KNDC1: variants seen among roughly 807,000 people sequenced by gnomAD.
The protein encoded by KNDC1 is kinase non-catalytic C-lobe domain containing 1.
A neutral mutation model predicts 172.8 loss-of-function variants in KNDC1; 106 were observed. The observed-to-expected ratio is 0.61, with a 90% CI of 0.52 to 0.72. The LOEUF (loss-of-function observed/expected upper bound fraction) is 0.72. KNDC1 is among the 30% of genes least tolerant of loss of function. The probability of loss-of-function intolerance (pLI) is 0.00; values close to 1 mark genes in which losing one functional copy is unlikely to be tolerated. For synonymous variants in KNDC1, 1,083 were observed against 1,062.2 expected, an observed-to-expected ratio of 1.02 and a Z score of -0.38; for missense variants, 2,325 against 2,394.5, an observed-to-expected ratio of 0.97 and a Z score of 0.61.
At chr10:133,177,635 CAT>C (rs1310843047) in intron 3 of KNDC1, among the ~76,000 whole-genome samples, 1 of 151,722 alleles carries the variant, frequency 6.6e-6, no homozygotes, top group East Asian at 1.9e-4. Context: ...GTGTTGTGAG[CAT>C]GTGTGTTGCA....
At chr10:133,207,049 T>C in intron 19 of KNDC1, 88 bp from the exon 20 acceptor site, 6 of 1,530,690 alleles carry the variant, frequency 3.9e-6, no homozygotes, top group Non-Finnish European at 5.4e-6. Flanking sequence ...TGTGAAGTTA[T>C]AAAAGGGGCC....
chr10:133,165,902 A>C (rs1052998519), intron 1 of KNDC1, among the ~76,000 whole-genome samples: 1 of 152,174 alleles, frequency 6.6e-6, no homozygotes, highest in Admixed American at 6.5e-5. Context: ...AAGAGCTGGA[A>C]GGGCCTGGGA....
chr10:133,199,361 C>G (rs946508167), intron 14 of KNDC1, 95 bp downstream of exon 14: 10 of 1,565,024 alleles, frequency 6.4e-6, no homozygotes, highest in Non-Finnish European at 8.7e-6. Flanking sequence ...CCCAGCCCCC[C>G]AGCCGAGATC....
chr10:133,182,960 GT>G, intron 3 of KNDC1, among the ~76,000 whole-genome samples: 1 of 145,520 alleles, frequency 6.9e-6, no homozygotes, highest in South Asian at 2.1e-4. Context: ...CACAGGCGGT[GT>G]GGGCACAGGC....
intron 7 of KNDC1, 26 bp downstream of exon 7, chr10:133,188,679 C>T (rs777154705): frequency 1.0e-5 from 14 of 1,337,032 alleles, no homozygotes; most frequent in Non-Finnish European, 1.3e-5. Context: ...TCCCATCCCC[C>T]CCGCCGTCCC....
intron 3 of KNDC1, among the ~76,000 whole-genome samples, chr10:133,180,425 G>T (rs1244216641): frequency 6.6e-6 from 1 of 152,268 alleles, no homozygotes; most frequent in Non-Finnish European, 1.5e-5. Flanking sequence ...CAAGGATAGC[G>T]TCTCAGGGGC....
chr10:133,160,378 G>C lies in KNDC1; in HGVS notation c.-90G>C. ...GGCGGGCGGGGGCGGGCGAGGGCCG[G>C]GCGCGTCTCCATGGAGCCAGGGCGC... On this transcript the variant is annotated 5_prime_UTR_variant, in exon 1 of 30. Transcript: ENST00000304613. 1 of 595,292 alleles carries C rather than the reference G, an allele frequency of 1.7e-6. No homozygotes were observed. The highest frequency in any genetic ancestry group is 2.3e-6 in the Non-Finnish European group (1 of 427,410). 36.9% of individuals were successfully genotyped at this position (595,292 alleles called of 1,614,324 possible).
At position 133,198,876 on chromosome 10, in the gene KNDC1, T is replaced by C. The variant is rs774829767; in HGVS notation, c.2368T>C (p.Ser790Pro). 1 of 1,597,338 alleles carries C rather than the reference T, an allele frequency of 6.3e-7. No homozygotes were observed. Among genetic ancestry groups the C allele is most frequent in the Non-Finnish European group, 8.5e-7 (1 of 1,175,930 alleles). The stretch of plus-strand genomic sequence containing the variant: ...AGTCCCCGCCCCGCCCACGAAGGCA[T>C]CTGCGCTGCCCGTAGAGCAAGGGCC... ...SPVPAPPTKA[S>P]ALPVEQGPAE... The change falls in exon 14 of 30, where the codon TCT becomes CCT. Residue 790 changes from serine (S) to proline (P), a missense_variant. Coordinates refer to ENST00000304613, the MANE Select transcript of KNDC1 (RefSeq NM_152643.8).
rs1261725303 is a variant in KNDC1, at chr10:133,163,495, G to A, written c.102+2926G>A. Among the ~76,000 whole-genome samples the A allele has an allele frequency of 7.9e-5, 12 of 152,158 alleles. No homozygotes were observed. Among genetic ancestry groups the A allele is most frequent in the Admixed American group, 7.9e-4 (12 of 15,280 alleles). On this transcript the variant is annotated intron_variant, in intron 1 of 29. Coordinates refer to ENST00000304613, the MANE Select transcript of KNDC1 (RefSeq NM_152643.8). The surrounding 1 kb of genome is among the most constrained non-coding windows in gnomAD (Gnocchi z 4.4). ...GAGCAGAAGGCACCTCGGGAGCAGA[G>A]GTGGTTTTGTGGTGGGGGCCTGGCA...
rs1853799702 is a variant in KNDC1, at chr10:133,183,910, ATCC to A, written c.551_553del (p.Ser184del). The A allele has an allele frequency of 1.9e-6, 3 of 1,602,540 alleles. No individual in the cohort carries two copies. In the East Asian group the frequency reaches 6.7e-5, roughly 36 times the overall value. On this transcript the variant is annotated inframe_deletion, in exon 5 of 30. Transcript: ENST00000304613. ...TGTGTGAAGAGAAGCTGCAGCTCAC[ATCC>A]TCCTGTCGCGTGTGCCGGAGCCTCT...
intron 9 of KNDC1, among the ~76,000 whole-genome samples, chr10:133,194,043 AGG>A (rs1327588568): frequency 6.6e-6 from 1 of 152,218 alleles, no homozygotes; most frequent in African/African-American, 2.4e-5. Context: ...AAAAATATGA[AGG>A]AACTCAACAA....
At chr10:133,162,376 C>T (rs1035594943) in intron 1 of KNDC1, among the ~76,000 whole-genome samples, 2 of 152,134 alleles carry the variant, frequency 1.3e-5, no homozygotes, top group Admixed American at 1.3e-4. Context: ...CCCAGAATGC[C>T]GGAAGGCCAA....
chr10:133,204,303 G>C (rs1854462737), intron 17 of KNDC1, among the ~76,000 whole-genome samples: 1 of 152,252 alleles, frequency 6.6e-6, no homozygotes, highest in Admixed American at 6.5e-5. Flanking sequence ...AGCCACGTGT[G>C]GCTACTGAGC....
chr10:133,186,659 T>G lies in KNDC1; in HGVS notation c.1311T>G (p.Ser437Arg). ...CAGAAGGAGCTAGGCAGCTGGAAAG[T>G]GCAGCCGCGGAGCAGGTGGGTGCCT... The part of the protein sequence containing the change: ...RIPEGARQLE[S>R]AAAEQWVSLQ... The change falls in exon 6 of 30, where the codon AGT (serine) becomes AGG (arginine). Residue 437 changes from serine (S) to arginine (R), a missense_variant. Ser to Arg is a moderately radical substitution (Grantham distance 110). Transcript: ENST00000304613. 1.3e-6 allele frequency: 2 copies of G among 1,585,300 alleles called. No homozygotes were observed. Among genetic ancestry groups the G allele is most frequent in the South Asian group, 1.1e-5 (1 of 89,172 alleles).
At chr10:133,179,858 G>A (rs1464042668) in intron 3 of KNDC1, among the ~76,000 whole-genome samples, 3 of 152,086 alleles carry the variant, frequency 2.0e-5, no homozygotes, top group South Asian at 4.1e-4. Context: ...ATGCCTGATC[G>A]GCCTCCCTCC....
intron 21 of KNDC1, among the ~76,000 whole-genome samples, chr10:133,211,048 G>A (rs1239974093): frequency 6.6e-6 from 1 of 152,062 alleles, no homozygotes. Context: ...GGTCAGCTGG[G>A]GGAAGGGGAA....
chr10:133,221,830 T>G (rs1845594800), intron 29 of KNDC1, among the ~76,000 whole-genome samples: 3 of 118,944 alleles, frequency 2.5e-5, no homozygotes, highest in African/African-American at 2.8e-5. Context: ...TAACCCTAGG[T>G]AGGCCGGGCT....
intron 26 of KNDC1, 110 bp from the exon 27 acceptor site, chr10:133,218,721 G>A (rs2136032730): frequency 1.5e-6 from 2 of 1,373,754 alleles, no homozygotes; most frequent in East Asian, 4.6e-5. Flanking sequence ...CACACGTGAT[G>A]CAGCACACGC....
chr10:133,190,185 G>T (rs1405513577), intron 9 of KNDC1, among the ~76,000 whole-genome samples: 10 of 152,160 alleles, frequency 6.6e-5, no homozygotes, highest in Admixed American at 6.5e-4. Flanking sequence ...TTCCACTCAG[G>T]AATGATAGAA....
Sources: gnomAD v4.1 joint callset for allele counts (sites outside exome capture counted in the v4.1 genomes callset) on GRCh38, gnomAD v4.1.1 for gene constraint, Gnocchi (gnomAD v3.1) non-coding constraint, MANE v1.5 for transcripts, NCBI Gene and HGNC (gene_info 2026-07-23, HGNC 2026-07-21) for gene names.